TMOD3: variants seen among roughly 807,000 people sequenced by gnomAD.
The protein encoded by TMOD3 is tropomodulin-3.
TMOD3 carries 20 observed loss-of-function variants against 39.2 expected under a neutral mutation model. The observed-to-expected ratio is 0.51, with a 90% CI of 0.36 to 0.74. TMOD3 has a LOEUF of 0.74. TMOD3 is among the 30% of genes least tolerant of loss of function. TMOD3 has a pLI of 0.00. For missense variants in TMOD3, 381 were observed against 412.8 expected, an observed-to-expected ratio of 0.92 and a Z score of 0.67; for synonymous variants, 143 against 145.8, an observed-to-expected ratio of 0.98 and a Z score of 0.14.
chr15:51,868,172 G>T (rs1187956607), intron 2 of TMOD3, among the ~76,000 whole-genome samples: 1 of 152,120 alleles, frequency 6.6e-6, no homozygotes, highest in Non-Finnish European at 1.5e-5. Context: ...TTGTAATCAT[G>T]AAGAAGTCTG....
intron 1 of TMOD3, among the ~76,000 whole-genome samples, chr15:51,846,835 G>A (rs1371825922): frequency 6.6e-6 from 1 of 151,888 alleles, no homozygotes; most frequent in Non-Finnish European, 1.5e-5. Context: ...GCAACAACTG[G>A]GAAAAAACAT....
At chr15:51,848,958 T>C (rs2056348351) in intron 1 of TMOD3, among the ~76,000 whole-genome samples, 1 of 152,214 alleles carries the variant, frequency 6.6e-6, no homozygotes, top group African/African-American at 2.4e-5. Flanking sequence ...TGGGTTAACA[T>C]AATCTGTAGA....
chr15:51,892,924 G>A (rs2921951), intron 5 of TMOD3, among the ~76,000 whole-genome samples: 53,721 of 152,034 alleles, frequency 0.35, 10,050 homozygotes, highest in Middle Eastern at 0.43. Flanking sequence ...CATTTTTGAA[G>A]ACTGATACAT....
At chr15:51,890,623 G>A (rs1053694530) in intron 5 of TMOD3, among the ~76,000 whole-genome samples, 1 of 152,012 alleles carries the variant, frequency 6.6e-6, no homozygotes, top group African/African-American at 2.4e-5. Context: ...TAAAATAATT[G>A]GGTAACCTCA....
At chr15:51,897,642 G>A (rs1444872554) in intron 7 of TMOD3, among the ~76,000 whole-genome samples, 2 of 150,854 alleles carry the variant, frequency 1.3e-5, no homozygotes, top group Non-Finnish European at 3.0e-5. Flanking sequence ...GCGCCACCAC[G>A]CCTGGCTAAT....
At chr15:51,884,047 T>C (rs2056547672) in intron 3 of TMOD3, among the ~76,000 whole-genome samples, 1 of 152,202 alleles carries the variant, frequency 6.6e-6, no homozygotes. Context: ...GGCATTTGTT[T>C]GGGGGAAGAA....
intron 1 of TMOD3, among the ~76,000 whole-genome samples, chr15:51,853,607 G>A (rs1416727396): frequency 6.6e-6 from 1 of 152,018 alleles, no homozygotes; most frequent in Non-Finnish European, 1.5e-5. Context: ...TGAAGTTACC[G>A]ATGTACATAC....
At chr15:51,906,759 G>A (rs569579485) in intron 9 of TMOD3, among the ~76,000 whole-genome samples, 39 of 152,214 alleles carry the variant, frequency 2.6e-4, no homozygotes, top group African/African-American at 9.1e-4. Context: ...AGTGGCTCAC[G>A]CCTGTAATCC....
At position 51,878,813 on chromosome 15, in the gene TMOD3, A is replaced by G. The variant is rs149667709; in HGVS notation, c.284-8776A>G. ...CAAAGCCTCTTGGAGATTATAGTGG[A>G]GTAGTGTCCTTCAATCTTTTCTGGA... On this transcript the variant is annotated intron_variant, in intron 3 of 9. Transcript: ENST00000308580. Among the ~76,000 whole-genome samples, 216 of 152,298 alleles carry G rather than the reference A, an allele frequency of 1.4e-3. 11 individuals are homozygous for G. The highest frequency in any genetic ancestry group is 9.8e-3 in the East Asian group (51 of 5,182).
At chr15:51,889,452 A>G (rs746370834) in intron 5 of TMOD3, among the ~76,000 whole-genome samples, 1 of 152,192 alleles carries the variant, frequency 6.6e-6, no homozygotes, top group African/African-American at 2.4e-5. Context: ...CAAGAAATAC[A>G]TAACAGTACT....
intron 3 of TMOD3, among the ~76,000 whole-genome samples, chr15:51,886,104 G>A (rs965284082): frequency 9.0e-4 from 137 of 152,052 alleles, no homozygotes; most frequent in African/African-American, 3.1e-3. Context: ...CCTCCCAGAC[G>A]GGGTGGCGGT....
chr15:51,906,519 A>G (rs1041160523), intron 9 of TMOD3, among the ~76,000 whole-genome samples: 1 of 152,212 alleles, frequency 6.6e-6, no homozygotes, highest in Non-Finnish European at 1.5e-5. Context: ...GTTCTATGGT[A>G]TACATGCAAT....
intron 8 of TMOD3, chr15:51,901,182 C>T (rs1048075068): frequency 1.3e-5 from 2 of 152,206 alleles, no homozygotes; most frequent in Non-Finnish European, 2.9e-5. Flanking sequence ...ACATCAGGAC[C>T]TCATTCTTTT....
At chr15:51,876,445 T>A (rs2056503915) in intron 3 of TMOD3, among the ~76,000 whole-genome samples, 2 of 150,226 alleles carry the variant, frequency 1.3e-5, no homozygotes, top group South Asian at 4.2e-4. Context: ...ATTACAGGTG[T>A]GAGACAGTGC....
intron 1 of TMOD3, among the ~76,000 whole-genome samples, chr15:51,842,019 A>C (rs1163024204): frequency 2.0e-5 from 3 of 151,762 alleles, no homozygotes; most frequent in Non-Finnish European, 4.4e-5. Flanking sequence ...CAAGTGATCC[A>C]CCCACCTTGG....
chr15:51,902,023 A>G lies in TMOD3; in HGVS notation c.1011A>G (p.Lys337=). Residue 337 remains lysine (K), a synonymous_variant, in exon 9 of 10, where the codon AAA becomes AAG. Transcript: ENST00000308580. ...PRTRAANAIT[K]NNDLVRKRRV... ...CCAGAGCAGCTAATGCTATAACAAA[A>G]AACAATGACTTAGGTAAGACATAGT... 6.2e-7 allele frequency: 1 copy of G among 1,614,090 alleles called. No individual in the cohort carries two copies. Among genetic ancestry groups the G allele is most frequent in the Non-Finnish European group, 8.5e-7 (1 of 1,180,018 alleles).
chr15:51,846,132 A>G (rs2056334337), intron 1 of TMOD3, among the ~76,000 whole-genome samples: 1 of 148,516 alleles, frequency 6.7e-6, no homozygotes, highest in Non-Finnish European at 1.5e-5. Context: ...CCTGGGCAAC[A>G]TGGTAAAACC....
At chr15:51,887,434 G>A in intron 3 of TMOD3, 155 bp from the exon 4 acceptor site, 1 of 801,436 alleles carries the variant, frequency 1.2e-6, no homozygotes, top group Non-Finnish European at 1.9e-6. Flanking sequence ...ATATTACGCT[G>A]GAAACTTAAA....
intron 3 of TMOD3, among the ~76,000 whole-genome samples, chr15:51,879,442 T>G (rs2056521421): frequency 6.6e-6 from 1 of 152,080 alleles, no homozygotes; most frequent in South Asian, 2.1e-4. Flanking sequence ...AATTTGAGTT[T>G]TGGATTTTGC....
Sources: gnomAD v4.1 joint callset for allele counts (sites outside exome capture counted in the v4.1 genomes callset) on GRCh38, gnomAD v4.1.1 for gene constraint, MANE v1.5 for transcripts, NCBI Gene and HGNC (gene_info 2026-07-23, HGNC 2026-07-21) for gene names.